The following MYO1B variants were observed in gnomAD, a reference collection of about 807,000 sequenced individuals.
The protein encoded by MYO1B is unconventional myosin-Ib.
In MYO1B, 72 loss-of-function variants were observed where a neutral mutation model predicts 159.7. The observed-to-expected ratio is 0.45, with a 90% CI of 0.37 to 0.55. MYO1B has a LOEUF of 0.55. Among genes scored for constraint, MYO1B ranks in the 20% least tolerant of loss-of-function variants. MYO1B has a pLI of 0.00. For synonymous variants in MYO1B, 468 were observed against 473.8 expected (o/e 0.99, Z 0.16); for missense variants, 1,062 against 1,364.8 (o/e 0.78, Z 3.50).
intron 1 of MYO1B, among the ~76,000 whole-genome samples, chr2:191,268,290 G>A (rs1177244972): frequency 6.6e-6 from 1 of 152,130 alleles, no homozygotes; most frequent in Non-Finnish European, 1.5e-5. Flanking sequence ...CCTTTTTGAT[G>A]TGTCTTCACA....
chr2:191,316,556 A>G (rs1559163453), intron 3 of MYO1B, among the ~76,000 whole-genome samples: 1 of 152,168 alleles, frequency 6.6e-6, no homozygotes, highest in Admixed American at 6.5e-5. Context: ...TAAAGCTAGA[A>G]CTACTAGTCT....
chr2:191,306,362 C>T (rs956372459), intron 3 of MYO1B, among the ~76,000 whole-genome samples: 1 of 152,038 alleles, frequency 6.6e-6, no homozygotes, highest in Admixed American at 6.5e-5. Flanking sequence ...GATCTAAGTT[C>T]GTGTGGTTTC....
chr2:191,284,654 A>G, intron 2 of MYO1B, among the ~76,000 whole-genome samples: 1 of 151,902 alleles, frequency 6.6e-6, no homozygotes, highest in Middle Eastern at 3.4e-3. Flanking sequence ...TTTTTTCGAG[A>G]CAGAGTCTAG....
intron 4 of MYO1B, among the ~76,000 whole-genome samples, chr2:191,339,945 C>G (rs964081666): frequency 6.6e-6 from 1 of 152,250 alleles, no homozygotes; most frequent in African/African-American, 2.4e-5. Context: ...ACCTGCAGGT[C>G]TCCTGTGAGA....
chr2:191,324,325 G>A (rs2125902988), intron 3 of MYO1B, among the ~76,000 whole-genome samples: 1 of 150,140 alleles, frequency 6.7e-6, no homozygotes, highest in South Asian at 2.1e-4. Flanking sequence ...TTTGTTTTTT[G>A]TTTCCCTATT....
chr2:191,396,334 CAGTT>C (rs763519162), intron 20 of MYO1B, 91 bp from the exon 21 acceptor site: 330 of 1,276,812 alleles, frequency 2.6e-4, no homozygotes, highest in Non-Finnish European at 3.5e-4. Context: ...ATAATTGAGT[CAGTT>C]AGACGAAGTG....
chr2:191,312,280 T>C (rs1045295313), intron 3 of MYO1B, among the ~76,000 whole-genome samples: 2 of 152,224 alleles, frequency 1.3e-5, no homozygotes, highest in African/African-American at 2.4e-5. Flanking sequence ...GTTTCTGAAA[T>C]CCCACTGTTT....
rs1026996201 is a variant in MYO1B, at chr2:191,347,185, T to G, written c.498+903T>G. Among the ~76,000 whole-genome samples, 3 of 152,230 alleles carry G rather than the reference T, an allele frequency of 2.0e-5. No individual in the cohort carries two copies. The South Asian group carries it at 6.2e-4, about 31-fold the overall frequency. The stretch of plus-strand genomic sequence containing the variant: ...CTTCTTTTAGATCCCGTTTGGCTCT[T>G]TCCTCCTTAAGGTTATTTTGTGCTT... On this transcript the variant is annotated intron_variant, in intron 6 of 30. Coordinates refer to ENST00000392318, the MANE Select transcript of MYO1B (RefSeq NM_001130158.3).
chr2:191,255,881 A>G (rs974513952), intron 1 of MYO1B, among the ~76,000 whole-genome samples: 5 of 152,126 alleles, frequency 3.3e-5, no homozygotes, highest in African/African-American at 1.2e-4. Context: ...TGAGCTCTGC[A>G]CTAATAGACG....
At chr2:191,320,069 G>A (rs1200142870) in intron 3 of MYO1B, among the ~76,000 whole-genome samples, 1 of 152,142 alleles carries the variant, frequency 6.6e-6, no homozygotes, top group Non-Finnish European at 1.5e-5. Context: ...AAGGTATTGG[G>A]TGGCTGGATG....
chr2:191,400,260 C>G (rs1696525551), intron 21 of MYO1B, 122 bp from the exon 22 acceptor site: 1 of 1,060,540 alleles, frequency 9.4e-7, no homozygotes, highest in Non-Finnish European at 1.5e-6. Flanking sequence ...CCTTCTTTAA[C>G]CTGTTGATTT....
intron 1 of MYO1B, among the ~76,000 whole-genome samples, chr2:191,272,531 C>T (rs541799949): frequency 6.6e-6 from 1 of 152,280 alleles, no homozygotes; most frequent in Admixed American, 6.5e-5. Flanking sequence ...CTTTCTCAGG[C>T]CACAGAGGCA....
chr2:191,290,309 A>G (rs1246176472), intron 2 of MYO1B, among the ~76,000 whole-genome samples: 1 of 152,154 alleles, frequency 6.6e-6, no homozygotes, highest in Non-Finnish European at 1.5e-5. Flanking sequence ...AACCTGGTAT[A>G]TCACATGTAT....
intron 1 of MYO1B, chr2:191,263,640 A>G (rs1686954089): frequency 6.6e-6 from 1 of 152,176 alleles, no homozygotes; most frequent in African/African-American, 2.4e-5. Flanking sequence ...TTTCTTACCA[A>G]AACTTTTCTT....
At chr2:191,403,844 A>G (rs1339710267) in intron 24 of MYO1B, among the ~76,000 whole-genome samples, 4 of 152,206 alleles carry the variant, frequency 2.6e-5, no homozygotes, top group African/African-American at 4.8e-5. Context: ...AAAAGTAAAC[A>G]TTTTCCCATT....
intron 18 of MYO1B, 126 bp downstream of exon 18, chr2:191,390,618 CCTT>C: frequency 6.3e-6 from 7 of 1,112,674 alleles, no homozygotes; most frequent in Middle Eastern, 3.0e-4. Context: ...CTGTTTTGGA[CCTT>C]CTTCCATTAG....
intron 1 of MYO1B, among the ~76,000 whole-genome samples, chr2:191,265,138 C>A (rs1002774976): frequency 2.6e-5 from 4 of 151,252 alleles, no homozygotes; most frequent in African/African-American, 9.7e-5. Context: ...AAATTCAGTA[C>A]ATTTCTCTCC....
At chr2:191,361,667 A>G (rs1479602351) in intron 8 of MYO1B, among the ~76,000 whole-genome samples, 1 of 151,788 alleles carries the variant, frequency 6.6e-6, no homozygotes, top group African/African-American at 2.4e-5. Context: ...AAAAGTTATT[A>G]AGGATCAAGC....
At chr2:191,375,693 G>A (rs1201149495) in intron 13 of MYO1B, among the ~76,000 whole-genome samples, 7 of 152,058 alleles carry the variant, frequency 4.6e-5, no homozygotes, top group Non-Finnish European at 1.0e-4. Context: ...TGGCACGGTG[G>A]CTCACTCCTA....
Sources: gnomAD v4.1 joint callset for allele counts (sites outside exome capture counted in the v4.1 genomes callset) on GRCh38, gnomAD v4.1.1 for gene constraint, MANE v1.5 for transcripts, NCBI Gene and HGNC (gene_info 2026-07-23, HGNC 2026-07-21) for gene names.